The following ZFHX3 variants were observed in gnomAD, a reference collection of about 807,000 sequenced individuals.
ZFHX3 encodes zinc finger homeobox protein 3.
ZFHX3 carries 42 observed loss-of-function variants against 279.1 expected under a neutral mutation model. That is an observed-to-expected ratio of 0.15 (90% CI 0.12 to 0.19). The LOEUF (loss-of-function observed/expected upper bound fraction) is 0.19, where lower values mean the gene tolerates loss of function less well. ZFHX3 is among the 10% of genes least tolerant of loss of function. The probability of loss-of-function intolerance (pLI) is 1.00; values close to 1 mark genes in which losing one functional copy is unlikely to be tolerated. For synonymous variants in ZFHX3, 2,293 were observed against 1,957.8 expected (o/e 1.17, Z -4.52); for missense variants, 4,981 against 4,754.0 (o/e 1.05, Z -1.40).
At position 72,957,516 on chromosome 16, in the gene ZFHX3, A is replaced by G; in HGVS notation, c.2630T>C (p.Met877Thr). 6.2e-7 allele frequency: 1 copy of G among 1,614,196 alleles called. No individual in the cohort carries two copies. The highest frequency in any genetic ancestry group is 8.5e-7 in the Non-Finnish European group (1 of 1,180,042). Reference sequence around the variant, plus strand: ...CTGGGCGTCCGAGGCAGCACTGTCCATCTTCAGGTTGGGCAGGTTCATGTT... The same window carrying G: ...CTGGGCGTCCGAGGCAGCACTGTCCGTCTTCAGGTTGGGCAGGTTCATGTT... ...AQNMNLPNLKMDSAASDAQFM... is the reference protein window; with the variant it reads ...AQNMNLPNLKTDSAASDAQFM... The change falls in exon 2 of 10, where the codon ATG (methionine) becomes ACG (threonine). Residue 877 changes from methionine to threonine, a missense_variant. Around this residue, in one of 7 missense-constraint regions of ZFHX3, gnomAD observed 1,751 missense variants for 1,770.0 expected, o/e 0.99. Transcript: ENST00000268489.
Position 73,677,506 on chromosome 16 carries a change from T to C in ZFHX3, c.-1547+2674A>G, listed in dbSNP as rs2052966829. On this transcript the variant is annotated intron_variant, in intron 2 of 17. Coordinates refer to the ZFHX3 transcript ENST00000641206. ...AGTAGGAAAACAGAACAACTGGAAA[T>C]AGTAAACTTTAGACCTGGCTCTTCC... Among the ~76,000 whole-genome samples, 3 of 151,974 alleles carry C rather than the reference T, an allele frequency of 2.0e-5. No individual in the cohort carries two copies. In the South Asian group the frequency reaches 6.2e-4, roughly 31 times the overall value.
chr16:73,817,950 C>A (rs1027722940), intron 1 of ZFHX3, among the ~76,000 whole-genome samples: 2 of 152,084 alleles, frequency 1.3e-5, no homozygotes, highest in African/African-American at 4.8e-5. Context: ...ACTAATGCCA[C>A]GGGAAGGCCA....
intron 4 of ZFHX3, among the ~76,000 whole-genome samples, chr16:73,300,630 C>T (rs991529287): frequency 6.6e-6 from 1 of 152,114 alleles, no homozygotes; most frequent in Non-Finnish European, 1.5e-5. Context: ...CAGCCTCCCG[C>T]GAAGCTGGGA....
intron 1 of ZFHX3, among the ~76,000 whole-genome samples, chr16:73,754,746 A>G (rs555094184): frequency 2.0e-5 from 3 of 152,286 alleles, no homozygotes; most frequent in African/African-American, 7.2e-5. Flanking sequence ...GAAGACACGA[A>G]CTTTACATGA....
At chr16:73,241,537 T>C (rs1370891695) in intron 5 of ZFHX3, among the ~76,000 whole-genome samples, 2 of 152,038 alleles carry the variant, frequency 1.3e-5, no homozygotes, top group African/African-American at 4.8e-5. Flanking sequence ...ATGCCTGTAA[T>C]CCCAGCACTT....
At chr16:73,768,060 A>G (rs146350410) in intron 1 of ZFHX3, among the ~76,000 whole-genome samples, 283 of 152,294 alleles carry the variant, frequency 1.9e-3, no homozygotes, top group African/African-American at 6.2e-3. Context: ...GGTACCAGAA[A>G]GGATTCAGGG....
At chr16:73,291,340 G>A (rs1440675289) in intron 4 of ZFHX3, among the ~76,000 whole-genome samples, 1 of 152,140 alleles carries the variant, frequency 6.6e-6, no homozygotes, top group Non-Finnish European at 1.5e-5. Context: ...TGAGGAATTC[G>A]GGGAGCTGCC....
intron 2 of ZFHX3, among the ~76,000 whole-genome samples, chr16:73,661,210 C>A (rs1416995795): frequency 6.6e-6 from 1 of 152,060 alleles, no homozygotes; most frequent in East Asian, 1.9e-4. Context: ...AAATAATAAA[C>A]CAGAAGCAAA....
intron 4 of ZFHX3, among the ~76,000 whole-genome samples, chr16:73,317,660 C>T (rs1029351421): frequency 5.9e-5 from 9 of 152,248 alleles, no homozygotes; most frequent in African/African-American, 1.4e-4. Flanking sequence ...AGCAGTACCT[C>T]GTAAGGATGC....
At chr16:73,867,026 TA>T (rs773088781) in intron 1 of ZFHX3, among the ~76,000 whole-genome samples, 3 of 152,068 alleles carry the variant, frequency 2.0e-5, no homozygotes, top group Non-Finnish European at 4.4e-5. Context: ...TGGGCTGGGC[TA>T]TGTCCTTGGC....
intron 3 of ZFHX3, among the ~76,000 whole-genome samples, chr16:72,916,375 G>A (rs1386926080): frequency 6.6e-6 from 1 of 152,168 alleles, no homozygotes; most frequent in South Asian, 2.1e-4. Context: ...TTGGCCCAGA[G>A]AATGCTGATG....
chr16:73,313,621 C>T (rs958471808), intron 4 of ZFHX3, among the ~76,000 whole-genome samples: 6 of 152,154 alleles, frequency 3.9e-5, no homozygotes, highest in African/African-American at 1.4e-4. Flanking sequence ...ACTTCAGACT[C>T]CATAGCGGTA....
intron 2 of ZFHX3, among the ~76,000 whole-genome samples, chr16:73,596,626 A>T (rs563971941): frequency 1.3e-5 from 2 of 152,018 alleles, no homozygotes; most frequent in Admixed American, 1.3e-4. Flanking sequence ...CAGCTTTAAT[A>T]TTACTCTTTT....
At chr16:73,248,127 T>C (rs1768368393) in intron 5 of ZFHX3, among the ~76,000 whole-genome samples, 1 of 151,576 alleles carries the variant, frequency 6.6e-6, no homozygotes, top group Admixed American at 6.6e-5. Context: ...GTGTGTATAC[T>C]GTGTATAAAA....
intron 3 of ZFHX3, among the ~76,000 whole-genome samples, chr16:73,413,493 T>C (rs1045334625): frequency 6.6e-6 from 1 of 152,144 alleles, no homozygotes; most frequent in Non-Finnish European, 1.5e-5. Context: ...TGGAGGGCAG[T>C]GAGACCAGAT....
chr16:73,487,221 C>T (rs1436105081), intron 2 of ZFHX3, among the ~76,000 whole-genome samples: 1 of 152,130 alleles, frequency 6.6e-6, no homozygotes, highest in Non-Finnish European at 1.5e-5. Flanking sequence ...AAATTAAGCT[C>T]GGATAGGGAC....
chr16:72,835,857 G>C (rs2037179307), intron 4 of ZFHX3, among the ~76,000 whole-genome samples: 1 of 152,132 alleles, frequency 6.6e-6, no homozygotes, highest in Admixed American at 6.5e-5. Context: ...ACTCTAGCGT[G>C]TCCAATCCTC....
At chr16:73,484,929 C>T (rs1161215387) in intron 2 of ZFHX3, among the ~76,000 whole-genome samples, 2 of 151,856 alleles carry the variant, frequency 1.3e-5, no homozygotes, top group Non-Finnish European at 2.9e-5. Context: ...AAGGATACTA[C>T]CACATACTCG....
chr16:73,265,155 G>C (rs986319079), intron 4 of ZFHX3, among the ~76,000 whole-genome samples: 4 of 151,290 alleles, frequency 2.6e-5, no homozygotes, highest in Non-Finnish European at 4.4e-5. Context: ...ATTTGGGCTG[G>C]TTCCACATTT....
Sources: gnomAD v4.1 joint callset for allele counts (sites outside exome capture counted in the v4.1 genomes callset) on GRCh38, gnomAD v4.1.1 for gene constraint, gnomAD v4.1.1 regional missense constraint, MANE v1.5 for transcripts, NCBI Gene and HGNC (gene_info 2026-07-23, HGNC 2026-07-21) for gene names.